GYG2: variants seen among roughly 807,000 people sequenced by gnomAD.
The protein encoded by GYG2 is glycogenin 2, also known as glycogenin-2.
Under a neutral mutation model 29.4 loss-of-function variants are expected in GYG2, and 29 were observed. The observed-to-expected ratio is 0.99, with a 90% CI of 0.74 to 1.35. GYG2 has a LOEUF of 1.35. GYG2 is among the 40% of genes most tolerant of loss of function. The pLI is 0.00. For synonymous variants in GYG2, 167 were observed against 172.3 expected (o/e 0.97, Z 0.24); for missense variants, 370 against 385.7 (o/e 0.96, Z 0.34).
chrX:2,863,791 C>T (rs1286530961), intron 8 of GYG2, among the ~76,000 whole-genome samples: 1 of 111,691 alleles, frequency 9.0e-6, no homozygotes, highest in Non-Finnish European at 1.9e-5. Context: ...GGCCCCAGGA[C>T]GTGCCTCATG....
rs2087228394 is a variant in GYG2 at position 2,830,057 on chromosome X, C to T, written c.-128-4C>T. Reference sequence around the variant, plus strand: ...TGTCGAGACTGCCACGCTGTCGCCCCCAGGCCTGGAAATCCACGCGGATTC... The same window carrying T: ...TGTCGAGACTGCCACGCTGTCGCCCTCAGGCCTGGAAATCCACGCGGATTC... On this transcript the variant is annotated splice_region_variant and splice_polypyrimidine_tract_variant and intron_variant, in intron 1 of 10. Coordinates refer to ENST00000398806, the MANE Select transcript of GYG2 (RefSeq NM_001079855.2). 1.6e-6 allele frequency: 1 copy of T among 618,948 alleles called. No homozygotes were observed. 51.0% of individuals were successfully genotyped at this position (618,948 alleles called of 1,213,427 possible). A position where few individuals can be genotyped will look rare whatever the true frequency, so the allele number is the denominator to read the frequency against.
chrX:2,830,125 T>A lies in GYG2; in HGVS notation c.-64T>A. On this transcript the variant is annotated 5_prime_UTR_variant, in exon 2 of 11. Transcript: ENST00000398806. ...GCTCTGCGGGTTCGTGGCGAGGAAG[T>A]CCACCCACTGCTCCCGGGCGCAGGT... 1 of 1,147,863 alleles carries A rather than the reference T, an allele frequency of 8.7e-7. No homozygotes were observed. The highest frequency in any genetic ancestry group is 1.8e-5 in the South Asian group (1 of 54,971). The allele number at this position is 1,147,863 out of a possible 1,213,427, so 94.6% of individuals were successfully genotyped here.
At chrX:2,844,924 G>GTA (rs1181164928) in intron 3 of GYG2, among the ~76,000 whole-genome samples, 2 of 104,237 alleles carry the variant, frequency 1.9e-5, no homozygotes, top group Admixed American at 2.1e-4. Context: ...ATACCTGTAT[G>GTA]TATATATGTT....
At chrX:2,872,084 C>T (rs1373369699) in intron 8 of GYG2, among the ~76,000 whole-genome samples, 3 of 111,695 alleles carry the variant, frequency 2.7e-5, no homozygotes, top group African/African-American at 9.8e-5. Flanking sequence ...TTGTTTTAAG[C>T]ATCTCTGCAT....
chrX:2,870,848 TTTG>T (rs1349619797), intron 8 of GYG2, among the ~76,000 whole-genome samples: 2 of 112,058 alleles, frequency 1.8e-5, no homozygotes, highest in African/African-American at 3.2e-5. Flanking sequence ...TGGGTTTGGT[TTTG>T]TTGTTTAATT....
At chrX:2,842,122 G>A (rs1335472836) in intron 2 of GYG2, among the ~76,000 whole-genome samples, 4 of 111,838 alleles carry the variant, frequency 3.6e-5, no homozygotes, top group Non-Finnish European at 1.9e-5. Flanking sequence ...GAAATGGTCT[G>A]TCCAGAATTT....
chrX:2,868,603 G>T (rs898268153), intron 8 of GYG2, among the ~76,000 whole-genome samples: 8 of 110,487 alleles, frequency 7.2e-5, no homozygotes, highest in African/African-American at 2.3e-4. Flanking sequence ...AATTTGTTAT[G>T]GTCTATATAT....
intron 8 of GYG2, among the ~76,000 whole-genome samples, chrX:2,874,328 C>T (rs187831774): frequency 6.1e-4 from 68 of 112,124 alleles, no homozygotes; most frequent in African/African-American, 2.1e-3. Flanking sequence ...TCTGCTTTCA[C>T]GTGCATTTTT....
At chrX:2,843,055 C>A in intron 2 of GYG2, 158 bp from the exon 3 acceptor site, 1 of 526,477 alleles carries the variant, frequency 1.9e-6, no homozygotes, top group South Asian at 2.5e-5. Context: ...TCAAGCAATT[C>A]ACCCACCTCA....
intron 2 of GYG2, among the ~76,000 whole-genome samples, chrX:2,841,579 A>G: frequency 9.0e-6 from 1 of 111,624 alleles, no homozygotes; most frequent in Non-Finnish European, 1.9e-5. Flanking sequence ...TTCTTCGTTC[A>G]AGGGTGGGGA....
At chrX:2,846,041 A>ATT (rs2087717917) in intron 3 of GYG2, among the ~76,000 whole-genome samples, 1 of 17,786 alleles carries the variant, frequency 5.6e-5, no homozygotes, top group Admixed American at 7.9e-4. Flanking sequence ...ATACACATAT[A>ATT]TATATATATA....
At chrX:2,878,642 G>T (rs1360154710) in intron 10 of GYG2, among the ~76,000 whole-genome samples, 8 of 111,335 alleles carry the variant, frequency 7.2e-5, no homozygotes, top group Non-Finnish European at 1.3e-4. Context: ...TGGAAGGAGG[G>T]GTATTAAAAA....
Position 2,882,097 on chromosome X carries a change from G to A in GYG2, c.*884G>A, listed in dbSNP as rs2088730736. 1 of 110,583 alleles carries A rather than the reference G, an allele frequency of 9.0e-6. No individual in the cohort carries two copies. Among genetic ancestry groups the A allele is most frequent in the South Asian group, 3.9e-4 (1 of 2,536 alleles). The allele number at this position is 110,583 out of a possible 1,213,427, so 9.1% of individuals were successfully genotyped here. A position where few individuals can be genotyped will look rare whatever the true frequency, so the allele number is the denominator to read the frequency against. The stretch of plus-strand genomic sequence containing the variant: ...CCCTCCTCAAAGCCATTTCCACTCA[G>A]CTCTTTCCAGAGAATTCTCAGTTTT... On this transcript the variant is annotated 3_prime_UTR_variant, in exon 11 of 11. Transcript: ENST00000398806.
Position 2,856,555 on chromosome X carries a change from A to G in GYG2, c.545A>G (p.His182Arg), listed in dbSNP as rs1451799639. The change falls in exon 6 of 11, where the codon CAC becomes CGC. Residue 182 changes from histidine to arginine, a missense_variant. Transcript: ENST00000398806. ...FFRNWSTTDI[H>R]KHLPFIYNLS... ...AGGAACTGGTCGACCACAGACATCC[A>G]CAAGCACCTGCCGTTCATCTATAAC... The G allele has an allele frequency of 1.7e-6, 2 of 1,200,348 alleles. No homozygotes were observed. The highest frequency in any genetic ancestry group is 4.4e-5 in the Admixed American group (2 of 45,482).
chrX:2,866,738 C>T lies in GYG2; in HGVS notation c.1038+5016C>T, dbSNP rs747776331. On this transcript the variant is annotated intron_variant, in intron 8 of 10. Coordinates refer to ENST00000398806, the MANE Select transcript of GYG2 (RefSeq NM_001079855.2). ...TGAGGGATATGCTAATTACCCTGAC[C>T]GGATCACTGAATATTGTAGGTATTG... Among the ~76,000 whole-genome samples, 14 of 111,291 alleles carry T rather than the reference C, an allele frequency of 1.3e-4. No homozygotes were observed. In the South Asian group the frequency reaches 2.6e-3, roughly 21 times the overall value.
In GYG2 at chrX:2,860,304, T is replaced by C. The variant is rs5982899; in HGVS notation, c.837+239T>C. On this transcript the variant is annotated intron_variant, in intron 7 of 10. Coordinates refer to ENST00000398806, the MANE Select transcript of GYG2 (RefSeq NM_001079855.2). ...GTGTAGGCCTGGTGCAGAAATAGGT[T>C]ATTGAAATTAGCCATCCTCATCAGA... Among the ~76,000 whole-genome samples, 5,132 of 111,158 alleles carry C rather than the reference T, an allele frequency of 0.046. 279 individuals are homozygous for C. Among genetic ancestry groups the C allele is most frequent in the African/African-American group, 0.16 (4,829 of 30,401 alleles).
rs745806323 is a variant in GYG2 at position 2,854,049 on chromosome X, C to T, written c.219C>T (p.His73=). ...VNLIDSADYI[H]LAFLKRPELG... ...TAATCGATAGTGCCGACTACATCCACCTGGCCTTTCTGAAGAGACCTGAGC... is the reference window on the plus strand; with the variant it reads ...TAATCGATAGTGCCGACTACATCCATCTGGCCTTTCTGAAGAGACCTGAGC... The change falls in exon 4 of 11, where the codon CAC becomes CAT. Residue 73 remains histidine, a synonymous_variant. Coordinates refer to ENST00000398806, the MANE Select transcript of GYG2 (RefSeq NM_001079855.2). 1.3e-5 allele frequency: 16 copies of T among 1,197,119 alleles called. No homozygotes were observed. The highest frequency in any genetic ancestry group is 1.8e-5 in the South Asian group (1 of 56,582).
intron 6 of GYG2, 129 bp from the exon 7 acceptor site, chrX:2,859,714 A>C (rs368350489): frequency 6.7e-6 from 3 of 449,102 alleles, no homozygotes; most frequent in East Asian, 7.5e-5. Flanking sequence ...ATAATAATCA[A>C]TAATGGAAAC....
intron 8 of GYG2, among the ~76,000 whole-genome samples, chrX:2,864,956 A>G (rs2088264409): frequency 9.0e-6 from 1 of 110,530 alleles, no homozygotes; most frequent in African/African-American, 3.3e-5. Flanking sequence ...ACCGGGTTTC[A>G]CCATGTTGGC....
Sources: gnomAD v4.1 joint callset for allele counts (sites outside exome capture counted in the v4.1 genomes callset) on GRCh38, gnomAD v4.1.1 for gene constraint, MANE v1.5 for transcripts, NCBI Gene and HGNC (gene_info 2026-07-23, HGNC 2026-07-21) for gene names.